Variants in ADAMTS19 observed in about 807,000 individuals in gnomAD.
ADAMTS19 encodes A disintegrin and metalloproteinase with thrombospondin motifs 19.
In ADAMTS19, 93 loss-of-function variants were observed where a neutral mutation model predicts 153.3. That is an observed-to-expected ratio of 0.61 (90% CI 0.51 to 0.72). The LOEUF (loss-of-function observed/expected upper bound fraction) is 0.72, where lower values mean the gene tolerates loss of function less well. Ranked by LOEUF, ADAMTS19 falls within the 30% of genes least tolerant of loss-of-function variation. The pLI is 0.00. For missense variants in ADAMTS19, 1,482 were observed against 1,552.1 expected (o/e 0.95, Z 0.76); for synonymous variants, 600 against 556.6 (o/e 1.08, Z -1.10).
At chr5:129,520,338 G>T (rs1376399084) in intron 3 of ADAMTS19, among the ~76,000 whole-genome samples, 1 of 152,088 alleles carries the variant, frequency 6.6e-6, no homozygotes, top group African/African-American at 2.4e-5. Flanking sequence ...TGCATGTGGT[G>T]TTACACACTA....
chr5:129,633,929 C>T (rs770551040), intron 10 of ADAMTS19, among the ~76,000 whole-genome samples: 32 of 151,858 alleles, frequency 2.1e-4, no homozygotes, highest in Non-Finnish European at 3.8e-4. Flanking sequence ...TCCGTCTTCA[C>T]GAGTCTATAA....
chr5:129,658,371 G>GAA (rs1561632513), intron 14 of ADAMTS19, among the ~76,000 whole-genome samples: 30 of 144,998 alleles, frequency 2.1e-4, no homozygotes, highest in African/African-American at 7.2e-4. Flanking sequence ...GAAAGAAAGA[G>GAA]AGAGAGGAAG....
rs551935410 is a variant in ADAMTS19, at chr5:129,542,568, G to T, written c.1329-9296G>T. ...GTTTTGTATCTTGTATATTGAAGGG[G>T]ATGGTGACTGCTTGGAAAAAGTAGT... is the stretch of plus-strand genomic sequence containing the variant. On this transcript the variant is annotated intron_variant, in intron 6 of 22. Transcript: ENST00000274487. Among the ~76,000 whole-genome samples the T allele has an allele frequency of 1.4e-3, 213 of 152,250 alleles. 2 individuals are homozygous for T. The highest frequency in any genetic ancestry group is 5.0e-3 in the African/African-American group (209 of 41,560).
At chr5:129,721,992 A>G (rs1319432095) in intron 21 of ADAMTS19, among the ~76,000 whole-genome samples, 1 of 152,158 alleles carries the variant, frequency 6.6e-6, no homozygotes, top group Non-Finnish European at 1.5e-5. Flanking sequence ...TTCTTTATCC[A>G]ATCTATCACT....
Position 129,608,720 on chromosome 5 carries a change from A to G in ADAMTS19, c.1479-11898A>G, listed in dbSNP as rs146642858. Among the ~76,000 whole-genome samples the G allele has an allele frequency of 3.2e-3, 493 of 152,110 alleles. 2 individuals carry two copies. The highest frequency in any genetic ancestry group is 5.7e-3 in the Non-Finnish European group (387 of 67,990). ...GCGGATCACTTGAGTTCAGGAGTTCAAGACCATTCTGGCCACCATGCCAGC... is the reference window on the plus strand; with the variant it reads ...GCGGATCACTTGAGTTCAGGAGTTCGAGACCATTCTGGCCACCATGCCAGC... On this transcript the variant is annotated intron_variant, in intron 8 of 22. Coordinates refer to ENST00000274487, the MANE Select transcript of ADAMTS19 (RefSeq NM_133638.6).
intron 7 of ADAMTS19, among the ~76,000 whole-genome samples, chr5:129,587,845 G>A (rs12523090): frequency 0.84 from 126,980 of 151,950 alleles, 53,308 homozygotes; most frequent in Non-Finnish European, 0.88. Context: ...TTCTTCTGCA[G>A]TTGTACTCTT....
At chr5:129,665,881 CATATATATAT>C (rs3979171) in intron 16 of ADAMTS19, among the ~76,000 whole-genome samples, 1 of 143,684 alleles carries the variant, frequency 7.0e-6, no homozygotes, top group African/African-American at 2.5e-5. Flanking sequence ...GATTTATATT[CATATATATAT>C]ATATATATAT....
At chr5:129,681,830 A>G (rs1252849297) in intron 17 of ADAMTS19, among the ~76,000 whole-genome samples, 2 of 152,200 alleles carry the variant, frequency 1.3e-5, no homozygotes, top group African/African-American at 4.8e-5. Context: ...TCTCTGCCTT[A>G]TGCCATCTAG....
chr5:129,513,849 T>C (rs1420861046), intron 3 of ADAMTS19, among the ~76,000 whole-genome samples: 1 of 152,098 alleles, frequency 6.6e-6, no homozygotes, highest in Non-Finnish European at 1.5e-5. Context: ...TGACTATAGT[T>C]AACCTATTGT....
chr5:129,528,461 T>G (rs1207329814), intron 5 of ADAMTS19, 59 bp from the exon 6 acceptor site: 15 of 1,312,318 alleles, frequency 1.1e-5, no homozygotes, highest in Non-Finnish European at 1.5e-5. Context: ...TTGTTGTTGT[T>G]GTTGTTTTGT....
In ADAMTS19 at chr5:129,737,190, A is replaced by G. The variant is rs1447657768; in HGVS notation, c.3614A>G (p.Tyr1205Cys). ...TGCTGTGAAACATGCAGGGACTTCT[A>G]TGCCCAAAAGCTGCAGCAGAAGAGT... ...QRCCETCRDF[Y>C]AQKLQQKS Residue 1205 changes from tyrosine to cysteine, a missense_variant, in exon 23 of 23, where the codon TAT becomes TGT. By Grantham distance (194) the Tyr-to-Cys change is radical. This residue lies in a region of ADAMTS19 where 616 missense variants were observed against 724.4 expected (regional missense o/e 0.85). Transcript: ENST00000274487. 1.2e-6 allele frequency: 2 copies of G among 1,607,348 alleles called. No individual in the cohort carries two copies. The highest frequency in any genetic ancestry group is 3.4e-5 in the Admixed American group (2 of 59,482).
At chr5:129,675,388 C>A (rs1315478221) in intron 16 of ADAMTS19, among the ~76,000 whole-genome samples, 1 of 152,128 alleles carries the variant, frequency 6.6e-6, no homozygotes, top group Non-Finnish European at 1.5e-5. Context: ...ACATACGTTA[C>A]TCTACCAGGT....
At chr5:129,610,030 A>C (rs531968658) in intron 8 of ADAMTS19, among the ~76,000 whole-genome samples, 1 of 152,182 alleles carries the variant, frequency 6.6e-6, no homozygotes, top group African/African-American at 2.4e-5. Flanking sequence ...AAATAATTAA[A>C]GGAAGTAAAA....
intron 8 of ADAMTS19, among the ~76,000 whole-genome samples, chr5:129,609,823 T>G (rs1245788747): frequency 1.3e-5 from 2 of 152,162 alleles, no homozygotes; most frequent in Non-Finnish European, 2.9e-5. Context: ...TCTCTGATGT[T>G]TCTTGGCAAA....
chr5:129,647,167 C>T (rs555456289), intron 11 of ADAMTS19, among the ~76,000 whole-genome samples: 1 of 146,386 alleles, frequency 6.8e-6, no homozygotes, highest in East Asian at 2.0e-4. Context: ...GTCTTTCAAA[C>T]CAACTTGCTG....
intron 7 of ADAMTS19, among the ~76,000 whole-genome samples, chr5:129,569,123 T>C (rs1419965943): frequency 6.6e-6 from 1 of 151,942 alleles, no homozygotes; most frequent in Non-Finnish European, 1.5e-5. Context: ...ATGAAAAAGA[T>C]ATACTGTGGA....
chr5:129,622,139 C>A, intron 9 of ADAMTS19, 59 bp from the exon 10 acceptor site: 1 of 1,569,804 alleles, frequency 6.4e-7, no homozygotes, highest in Non-Finnish European at 8.8e-7. Flanking sequence ...GTATGCTAAC[C>A]AATCATATCA....
chr5:129,678,170 T>A (rs1209283793), intron 16 of ADAMTS19, among the ~76,000 whole-genome samples: 1 of 152,116 alleles, frequency 6.6e-6, no homozygotes, highest in African/African-American at 2.4e-5. Flanking sequence ...GTCTGGCTAG[T>A]CCTCATTTCT....
At chr5:129,510,998 T>C (rs773527735) in intron 3 of ADAMTS19, among the ~76,000 whole-genome samples, 1 of 151,686 alleles carries the variant, frequency 6.6e-6, no homozygotes, top group Admixed American at 6.6e-5. Context: ...CAGATGCTTT[T>C]TGAGGGCTCA....
Sources: gnomAD v4.1 joint callset for allele counts (sites outside exome capture counted in the v4.1 genomes callset) on GRCh38, gnomAD v4.1.1 for gene constraint, gnomAD v4.1.1 regional missense constraint, MANE v1.5 for transcripts, NCBI Gene and HGNC (gene_info 2026-07-23, HGNC 2026-07-21) for gene names.